Variants in EPHA6 observed in about 807,000 individuals in gnomAD.
EPHA6 encodes ephrin type-A receptor 6.
Under a neutral mutation model 112.0 loss-of-function variants are expected in EPHA6, and 50 were observed. The ratio of observed to expected loss-of-function variants is 0.45; its 90% confidence interval spans 0.36 to 0.56. The LOEUF (loss-of-function observed/expected upper bound fraction) is 0.56, where lower values mean the gene tolerates loss of function less well. EPHA6 is among the 20% of genes least tolerant of loss of function. The pLI is 0.00. For missense variants in EPHA6, 1,280 were observed against 1,417.4 expected, an observed-to-expected ratio of 0.90 and a Z score of 1.56; for synonymous variants, 529 against 490.7, an observed-to-expected ratio of 1.08 and a Z score of -1.03.
chr3:97,397,754 G>C (rs537100032), intron 5 of EPHA6, among the ~76,000 whole-genome samples: 3 of 151,630 alleles, frequency 2.0e-5, no homozygotes, highest in African/African-American at 7.2e-5. Context: ...TTAGAGGAAT[G>C]ATTTCATTAA....
intron 6 of EPHA6, among the ~76,000 whole-genome samples, chr3:97,428,263 TTA>T (rs1364219868): frequency 6.6e-6 from 1 of 152,144 alleles, no homozygotes; most frequent in Non-Finnish European, 1.5e-5. Flanking sequence ...CTTTTTATTT[TTA>T]TAAGTAAGGA....
At chr3:96,976,338 GTGT>G (rs796720574) in intron 2 of EPHA6, among the ~76,000 whole-genome samples, 9 of 152,230 alleles carry the variant, frequency 5.9e-5, no homozygotes, top group African/African-American at 2.2e-4. Flanking sequence ...CAGTTCATGA[GTGT>G]TGCTGTCCTT....
At chr3:97,718,039 A>G (rs1017630132) in intron 14 of EPHA6, among the ~76,000 whole-genome samples, 2 of 152,340 alleles carry the variant, frequency 1.3e-5, no homozygotes, top group African/African-American at 4.8e-5. Context: ...TGGAACAAAG[A>G]AAGATCCAGC....
chr3:97,605,604 T>C (rs2093675028), intron 12 of EPHA6, among the ~76,000 whole-genome samples: 1 of 151,714 alleles, frequency 6.6e-6, no homozygotes, highest in African/African-American at 2.4e-5. Flanking sequence ...TCCATTGGTC[T>C]ATGTGCCTGT....
intron 15 of EPHA6, among the ~76,000 whole-genome samples, chr3:97,726,696 T>C (rs1559630821): frequency 6.6e-6 from 1 of 152,072 alleles, no homozygotes; most frequent in Non-Finnish European, 1.5e-5. Flanking sequence ...TTCATCCAAG[T>C]TCGAAATAGT....
chr3:97,559,488 C>T (rs2093159246), intron 11 of EPHA6: 1 of 322,900 alleles, frequency 3.1e-6, no homozygotes, highest in Non-Finnish European at 6.1e-6. Context: ...AATCAGCAGA[C>T]AGAATGGAAC....
intron 3 of EPHA6, among the ~76,000 whole-genome samples, chr3:97,134,116 A>C (rs2075709948): frequency 1.3e-5 from 2 of 151,712 alleles, no homozygotes. Context: ...AAAACAAATG[A>C]AGAGATTTGA....
At chr3:97,624,668 T>C (rs930126235) in intron 13 of EPHA6, among the ~76,000 whole-genome samples, 1 of 151,610 alleles carries the variant, frequency 6.6e-6, no homozygotes, top group Admixed American at 6.6e-5. Context: ...AATAAAGCCA[T>C]CATCATCAGG....
chr3:97,246,315 T>C (rs528050754), intron 5 of EPHA6, among the ~76,000 whole-genome samples: 30 of 152,026 alleles, frequency 2.0e-4, no homozygotes, highest in Admixed American at 3.9e-4. Flanking sequence ...ATAAAATAAA[T>C]ATGTAAATAT....
intron 5 of EPHA6, among the ~76,000 whole-genome samples, chr3:97,306,730 C>G (rs1179118813): frequency 6.6e-6 from 1 of 151,670 alleles, no homozygotes; most frequent in Non-Finnish European, 1.5e-5. Flanking sequence ...ATATCGCATG[C>G]TAGGAATTGG....
chr3:97,346,655 A>G (rs1209789159), intron 5 of EPHA6, among the ~76,000 whole-genome samples: 2 of 146,850 alleles, frequency 1.4e-5, no homozygotes, highest in African/African-American at 2.7e-5. Flanking sequence ...ACGTGTATAC[A>G]TCAGATGTTC....
At position 97,071,092 on chromosome 3, in the gene EPHA6, A is replaced by G. The variant is rs1047649749; in HGVS notation, c.1114+83099A>G. ...AGATCCTTTGTTTGTCAGTAATTCC[A>G]AAAAGGTGAAGAGACTTTCTTAAGC... On this transcript the variant is annotated intron_variant, in intron 3 of 17. Coordinates refer to ENST00000389672, the MANE Select transcript of EPHA6 (RefSeq NM_001080448.3). 2.0e-5 allele frequency among the ~76,000 whole-genome samples: 3 copies of G among 152,022 alleles called. No homozygotes were observed. The East Asian group carries it at 5.8e-4, about 30-fold the overall frequency.
chr3:97,193,770 T>C (rs955807038), intron 3 of EPHA6, among the ~76,000 whole-genome samples: 2 of 152,058 alleles, frequency 1.3e-5, no homozygotes, highest in African/African-American at 4.8e-5. Context: ...TGACTTTAGC[T>C]ATAGATCTGT....
chr3:97,227,833 G>A (rs2108547543), intron 4 of EPHA6, among the ~76,000 whole-genome samples: 1 of 152,312 alleles, frequency 6.6e-6, no homozygotes, highest in Non-Finnish European at 1.5e-5. Flanking sequence ...AGAGGACGTA[G>A]AAACCCTCAC....
intron 4 of EPHA6, among the ~76,000 whole-genome samples, chr3:97,239,868 T>G (rs2078791316): frequency 6.6e-6 from 1 of 151,916 alleles, no homozygotes; most frequent in Non-Finnish European, 1.5e-5. Flanking sequence ...ACTGTACATT[T>G]TCATATATAT....
intron 3 of EPHA6, among the ~76,000 whole-genome samples, chr3:97,197,178 G>T (rs2077463160): frequency 1.3e-5 from 2 of 152,010 alleles, no homozygotes; most frequent in Admixed American, 6.6e-5. Context: ...TGACTGAGCT[G>T]CTACCCAAGC....
At chr3:96,960,276 C>G (rs547250000) in intron 2 of EPHA6, among the ~76,000 whole-genome samples, 1 of 152,040 alleles carries the variant, frequency 6.6e-6, no homozygotes, top group African/African-American at 2.4e-5. Flanking sequence ...AGGTGAGAGC[C>G]ATTAATGGGT....
intron 3 of EPHA6, among the ~76,000 whole-genome samples, chr3:97,107,048 A>G (rs1203542167): frequency 6.6e-6 from 1 of 152,130 alleles, no homozygotes; most frequent in Non-Finnish European, 1.5e-5. Flanking sequence ...ATCCTTGATC[A>G]TTATAGGTAT....
chr3:97,353,211 G>T (rs757830183), intron 5 of EPHA6, among the ~76,000 whole-genome samples: 1 of 151,790 alleles, frequency 6.6e-6, no homozygotes, highest in Non-Finnish European at 1.5e-5. Flanking sequence ...GTGACCCAGC[G>T]CATTCCCAGT....
Sources: allele counts gnomAD v4.1 joint callset (sites outside exome capture counted in the v4.1 genomes callset), GRCh38; gene constraint gnomAD v4.1.1; transcripts MANE v1.5; gene names NCBI Gene and HGNC (gene_info 2026-07-23, HGNC 2026-07-21).